The following BARD1 variants were observed in gnomAD, a reference collection of about 807,000 sequenced individuals.
The protein encoded by BARD1 is BRCA1-associated RING domain protein 1.
BARD1 carries 73 observed loss-of-function variants against 77.0 expected under a neutral mutation model. The ratio of observed to expected loss-of-function variants is 0.95; its 90% confidence interval spans 0.79 to 1.15. The LOEUF (loss-of-function observed/expected upper bound fraction) is 1.15, where lower values mean the gene tolerates loss of function less well. BARD1 is among the 50% of genes most tolerant of loss of function. The probability of loss-of-function intolerance (pLI) is 0.00; values close to 1 mark genes in which losing one functional copy is unlikely to be tolerated. For synonymous variants in BARD1, 384 were observed against 338.0 expected (o/e 1.14, Z -1.49); for missense variants, 993 against 938.8 (o/e 1.06, Z -0.75).
Position 214,728,599 on chromosome 2 carries a change from A to G in BARD1, c.*77T>C, listed in dbSNP as rs1692184890. The G allele has an allele frequency of 1.2e-5, 17 of 1,370,956 alleles. No homozygotes were observed. The highest frequency in any genetic ancestry group is 1.5e-5 in the Non-Finnish European group (15 of 982,208). The allele number at this position is 1,370,956 out of a possible 1,614,324, so 84.9% of individuals were successfully genotyped here. On this transcript the variant is annotated 3_prime_UTR_variant, in exon 11 of 11. Transcript: ENST00000260947. Reference sequence around the variant, plus strand: ...GACTCTACCTATTTGTAAAAATGTGAACATTAAAAACAGTACAATGACTGG... The same window carrying G: ...GACTCTACCTATTTGTAAAAATGTGGACATTAAAAACAGTACAATGACTGG...
intron 10 of BARD1, 28 bp from the exon 11 acceptor site, chr2:214,729,036 A>G (rs754017565): frequency 1.2e-4 from 191 of 1,605,246 alleles, no homozygotes; most frequent in Non-Finnish European, 1.5e-4. Context: ...CATTTGTTAA[A>G]GGCAGATCAA....
At chr2:214,775,779 T>C (rs1193512242) in intron 4 of BARD1, among the ~76,000 whole-genome samples, 4 of 152,244 alleles carry the variant, frequency 2.6e-5, no homozygotes, top group African/African-American at 4.8e-5. Flanking sequence ...AGCAGACTTA[T>C]ACATATGTGG....
At chr2:214,790,077 T>C (rs762219975) in intron 3 of BARD1, among the ~76,000 whole-genome samples, 1 of 152,100 alleles carries the variant, frequency 6.6e-6, no homozygotes, top group Non-Finnish European at 1.5e-5. Flanking sequence ...TCATATTCCA[T>C]AGTCCTCAAA....
In BARD1 at chr2:214,726,536, A is replaced by G. The variant is rs1692091263; in HGVS notation, c.*2140T>C. 4.4e-6 allele frequency: 1 copy of G among 225,110 alleles called. No individual in the cohort carries two copies. The highest frequency in any genetic ancestry group is 5.7e-5 in the Admixed American group (1 of 17,546). 13.9% of individuals were successfully genotyped at this position (225,110 alleles called of 1,614,324 possible). ...ATTAAAAAGCATTATGTTAAAAAAGATAAGCTTTTGTTAGTTAATAGACTT... is the reference window on the plus strand; with the variant it reads ...ATTAAAAAGCATTATGTTAAAAAAGGTAAGCTTTTGTTAGTTAATAGACTT... On this transcript the variant is annotated 3_prime_UTR_variant, in exon 11 of 11. Transcript: ENST00000260947.
At chr2:214,792,156 A>G (rs1429772921) in intron 3 of BARD1, 141 bp downstream of exon 3, 3 of 927,296 alleles carry the variant, frequency 3.2e-6, no homozygotes, top group Non-Finnish European at 3.1e-6. Context: ...TATTTAAAAA[A>G]AAAAAAAAAA....
At chr2:214,744,395 A>T (rs1014208134) in intron 9 of BARD1, among the ~76,000 whole-genome samples, 1 of 152,224 alleles carries the variant, frequency 6.6e-6, no homozygotes, top group African/African-American at 2.4e-5. Flanking sequence ...AGGAAAAGCA[A>T]TAAATTGCTT....
Position 214,797,046 on chromosome 2 carries a change from A to G in BARD1, c.215+15T>C. 6.3e-7 allele frequency: 1 copy of G among 1,596,056 alleles called. No homozygotes were observed. Among genetic ancestry groups the G allele is most frequent in the Non-Finnish European group, 8.6e-7 (1 of 1,163,694 alleles). The stretch of plus-strand genomic sequence containing the variant: ...AATACAGTTGTACTATATACATCAA[A>G]CCGTAATTACTTACCTACAGAAGAT... On this transcript the variant is annotated intron_variant, in intron 2 of 10. Transcript: ENST00000260947.
intron 4 of BARD1, among the ~76,000 whole-genome samples, chr2:214,774,103 C>G (rs115792506): frequency 1.3e-5 from 2 of 152,224 alleles, no homozygotes; most frequent in African/African-American, 4.8e-5. Flanking sequence ...AATTCAGTTA[C>G]GTCTTCAGGC....
chr2:214,778,240 T>C (rs1694823136), intron 4 of BARD1, among the ~76,000 whole-genome samples: 1 of 128,524 alleles, frequency 7.8e-6, no homozygotes, highest in Non-Finnish European at 1.5e-5. Flanking sequence ...TATATAAATA[T>C]ATTTATATAA....
chr2:214,751,115 GTGTATATATATATA>G (rs1428164798), intron 7 of BARD1, among the ~76,000 whole-genome samples: 49 of 11,690 alleles, frequency 4.2e-3, no homozygotes, highest in South Asian at 0.036. Flanking sequence ...GTGTGTGTGT[GTGTATATATATATA>G]TATATATATA....
At chr2:214,734,626 C>G (rs1475386428) in intron 9 of BARD1, among the ~76,000 whole-genome samples, 1 of 152,034 alleles carries the variant, frequency 6.6e-6, no homozygotes, top group Non-Finnish European at 1.5e-5. Context: ...TTAATTTTTC[C>G]ACAATCTAGA....
At chr2:214,782,697 G>C (rs1239479743) in intron 3 of BARD1, among the ~76,000 whole-genome samples, 1 of 152,114 alleles carries the variant, frequency 6.6e-6, no homozygotes, top group Non-Finnish European at 1.5e-5. Context: ...ATCAAGGAAG[G>C]CATCAAGGAG....
At position 214,767,551 on chromosome 2, in the gene BARD1, T is replaced by G. The variant is rs878854001; in HGVS notation, c.1499A>C (p.Asp500Ala). The change falls in exon 6 of 11, where the codon GAT (aspartate) becomes GCT (alanine). Residue 500 changes from aspartate (D) to alanine (A), a missense_variant. Coordinates refer to ENST00000260947, the MANE Select transcript of BARD1 (RefSeq NM_000465.4). ...TGYQNDSPLH[D>A]AAKNGHVDIV... ...ATCCACATGCCCATTCTTGGCTGCA[T>G]CGTGAAGTGGTGAGTCATTTTGATA... 1.2e-6 allele frequency: 2 copies of G among 1,614,098 alleles called. No individual in the cohort carries two copies. Among genetic ancestry groups the G allele is most frequent in the Non-Finnish European group, 1.7e-6 (2 of 1,179,954 alleles).
chr2:214,747,269 T>C (rs1693168488), intron 7 of BARD1, among the ~76,000 whole-genome samples: 1 of 151,810 alleles, frequency 6.6e-6, no homozygotes, highest in Non-Finnish European at 1.5e-5. Flanking sequence ...GACTGTAAAC[T>C]AGTTCAACCT....
chr2:214,748,196 G>C (rs1047897226), intron 7 of BARD1, among the ~76,000 whole-genome samples: 2 of 152,072 alleles, frequency 1.3e-5, no homozygotes, highest in African/African-American at 4.8e-5. Context: ...TTAAAAATTT[G>C]CATAAAAAAT....
intron 9 of BARD1, chr2:214,730,842 T>C (rs572442323): frequency 1.6e-4 from 75 of 463,374 alleles, no homozygotes; most frequent in East Asian, 8.4e-4. Context: ...TTTCCACTCA[T>C]AGCAATTACC....
At chr2:214,757,004 A>T (rs554407718) in intron 6 of BARD1, among the ~76,000 whole-genome samples, 1 of 152,228 alleles carries the variant, frequency 6.6e-6, no homozygotes, top group East Asian at 1.9e-4. Context: ...AAATAAATAA[A>T]TTAAAAGGCT....
At chr2:214,742,023 G>A (rs947798248) in intron 9 of BARD1, among the ~76,000 whole-genome samples, 1 of 152,144 alleles carries the variant, frequency 6.6e-6, no homozygotes, top group African/African-American at 2.4e-5. Context: ...TTTGGTTTAT[G>A]AGAAATCCCA....
chr2:214,780,408 C>T, intron 4 of BARD1, 152 bp downstream of exon 4: 1 of 706,620 alleles, frequency 1.4e-6, no homozygotes. Flanking sequence ...AGATGCTCTC[C>T]CTATGAATCT....
Sources: allele counts gnomAD v4.1 joint callset (sites outside exome capture counted in the v4.1 genomes callset), GRCh38; gene constraint gnomAD v4.1.1; transcripts MANE v1.5; gene names NCBI Gene and HGNC (gene_info 2026-07-23, HGNC 2026-07-21).